Variants in KCNH1 observed in about 807,000 individuals in gnomAD.
KCNH1 encodes the protein potassium voltage-gated channel subfamily H member 1, also known as voltage-gated delayed rectifier potassium channel KCNH1.
KCNH1 carries 27 observed loss-of-function variants against 69.2 expected under a neutral mutation model. That is an observed-to-expected ratio of 0.39 (90% confidence interval 0.29 to 0.54). KCNH1 has a LOEUF of 0.54. Ranked by LOEUF, KCNH1 falls within the 20% of genes least tolerant of loss-of-function variation. The probability of loss-of-function intolerance (pLI) is 0.68; values close to 1 mark genes in which losing one functional copy is unlikely to be tolerated. For missense variants in KCNH1, 798 were observed against 1,261.6 expected (o/e 0.63, Z 5.57); for synonymous variants, 456 against 487.7 (o/e 0.93, Z 0.86).
rs953552242 is a variant in KCNH1 at position 210,814,371 on chromosome 1, GTAATAA to G, written c.1463-10211_1463-10206del. On this transcript the variant is annotated intron_variant, in intron 7 of 10. Coordinates refer to ENST00000271751, the MANE Select transcript of KCNH1 (RefSeq NM_172362.3). Reference sequence around the variant, plus strand: ...CTTGCACATAATACATGCTCAATAAGTAATAATAATAATTAACAGCAGGATAATTAA... The same window carrying G: ...CTTGCACATAATACATGCTCAATAAGTAATAATTAACAGCAGGATAATTAA... Among the ~76,000 whole-genome samples, 9 of 152,016 alleles carry G rather than the reference GTAATAA, an allele frequency of 5.9e-5. No individual in the cohort carries two copies. The South Asian group carries it at 8.3e-4, about 14-fold the overall frequency.
chr1:210,947,364 T>C (rs1687977158), intron 6 of KCNH1, among the ~76,000 whole-genome samples: 1 of 151,574 alleles, frequency 6.6e-6, no homozygotes, highest in Non-Finnish European at 1.5e-5. Context: ...GGTCAGGAGA[T>C]CGAGACCATC....
chr1:211,010,156 C>T (rs1409943206), intron 6 of KCNH1, among the ~76,000 whole-genome samples: 4 of 152,036 alleles, frequency 2.6e-5, no homozygotes, highest in Admixed American at 2.6e-4. Flanking sequence ...CTAGCGGACG[C>T]AGAAAATAGA....
At chr1:210,994,562 C>A (rs1478749146) in intron 6 of KCNH1, among the ~76,000 whole-genome samples, 2 of 152,178 alleles carry the variant, frequency 1.3e-5, no homozygotes, top group African/African-American at 2.4e-5. Context: ...CTTCTAAGTT[C>A]TTGCTAGAGA....
intron 10 of KCNH1, among the ~76,000 whole-genome samples, chr1:210,708,487 T>A (rs115320227): frequency 6.6e-6 from 1 of 152,226 alleles, no homozygotes; most frequent in African/African-American, 2.4e-5. Flanking sequence ...ATCTTATATT[T>A]ACATAGAGTC....
intron 7 of KCNH1, among the ~76,000 whole-genome samples, chr1:210,902,034 G>T (rs1468040364): frequency 1.3e-5 from 2 of 152,122 alleles, no homozygotes; most frequent in African/African-American, 4.8e-5. Flanking sequence ...GGCTACATGT[G>T]GGCAGCTCAG....
At chr1:210,934,381 G>A (rs764117691) in intron 6 of KCNH1, among the ~76,000 whole-genome samples, 9 of 152,200 alleles carry the variant, frequency 5.9e-5, no homozygotes, top group East Asian at 5.8e-4. Flanking sequence ...TGGGCTGGGC[G>A]CGGTGGCTCA....
At chr1:210,907,772 TGTG>T (rs1687136930) in intron 7 of KCNH1, among the ~76,000 whole-genome samples, 2 of 152,214 alleles carry the variant, frequency 1.3e-5, no homozygotes, top group African/African-American at 4.8e-5. Flanking sequence ...TGAGAAATGA[TGTG>T]GTATGTGTCA....
rs368339968 is a variant in KCNH1, at chr1:210,775,557, G to T, written c.1916-13C>A. 7 of 1,608,752 alleles carry T rather than the reference G, an allele frequency of 4.4e-6. No homozygotes were observed. The South Asian group carries it at 6.6e-5, about 15-fold the overall frequency. ...ACGTCTCCTTTTCCTAAGGAGAGAA[G>T]GTTGTCATGAGGAAAGTGTTGGCCA... On this transcript the variant is annotated splice_polypyrimidine_tract_variant and intron_variant, in intron 9 of 10. Coordinates refer to ENST00000271751, the MANE Select transcript of KCNH1 (RefSeq NM_172362.3).
intron 6 of KCNH1, among the ~76,000 whole-genome samples, chr1:210,986,217 TG>T (rs1326824338): frequency 6.6e-6 from 1 of 152,220 alleles, no homozygotes; most frequent in African/African-American, 2.4e-5. Context: ...AGCACACTGA[TG>T]GGTCTTGCCT....
At chr1:211,070,870 G>A (rs979064966) in intron 5 of KCNH1, among the ~76,000 whole-genome samples, 14 of 151,298 alleles carry the variant, frequency 9.3e-5, no homozygotes, top group Non-Finnish European at 1.9e-4. Flanking sequence ...TAAAAAGAAG[G>A]AAAGATAAGA....
At chr1:210,917,086 T>G (rs1687348283) in intron 7 of KCNH1, among the ~76,000 whole-genome samples, 1 of 151,604 alleles carries the variant, frequency 6.6e-6, no homozygotes, top group Admixed American at 6.6e-5. Flanking sequence ...AAGCAGAGGT[T>G]GCAGTGAGCC....
chr1:210,999,593 G>A (rs1185005640), intron 6 of KCNH1, among the ~76,000 whole-genome samples: 1 of 152,210 alleles, frequency 6.6e-6, no homozygotes, highest in Non-Finnish European at 1.5e-5. Context: ...GTACAAGGAG[G>A]AGCTGGTACC....
At chr1:211,080,430 G>T (rs1323543676) in intron 5 of KCNH1, among the ~76,000 whole-genome samples, 1 of 152,218 alleles carries the variant, frequency 6.6e-6, no homozygotes, top group East Asian at 1.9e-4. Context: ...TCCCCATCAA[G>T]CTACCAATGA....
intron 9 of KCNH1, among the ~76,000 whole-genome samples, chr1:210,780,347 T>C (rs1268838514): frequency 6.6e-6 from 1 of 152,214 alleles, no homozygotes; most frequent in Non-Finnish European, 1.5e-5. Flanking sequence ...CACAGTGTTA[T>C]AATGTACTCC....
intron 10 of KCNH1, among the ~76,000 whole-genome samples, chr1:210,766,703 C>T (rs1683641353): frequency 6.6e-6 from 1 of 152,168 alleles, no homozygotes. Context: ...AGGGTAAAGA[C>T]CATTAAGTGA....
At chr1:210,795,674 C>G (rs1684297288) in intron 9 of KCNH1, among the ~76,000 whole-genome samples, 1 of 152,046 alleles carries the variant, frequency 6.6e-6, no homozygotes, top group African/African-American at 2.4e-5. Context: ...ATAATACTAT[C>G]TATGTCTCTA....
intron 7 of KCNH1, among the ~76,000 whole-genome samples, chr1:210,804,676 C>T (rs1684498023): frequency 6.6e-6 from 1 of 152,176 alleles, no homozygotes; most frequent in Non-Finnish European, 1.5e-5. Flanking sequence ...AATAAACAGT[C>T]AGACCTGGTC....
intron 7 of KCNH1, among the ~76,000 whole-genome samples, chr1:210,903,359 G>T (rs1164492034): frequency 6.6e-6 from 1 of 152,104 alleles, no homozygotes; most frequent in Admixed American, 6.5e-5. Context: ...TAAATGAATG[G>T]ATAAAATATA....
chr1:210,944,600 A>G (rs1687925640), intron 6 of KCNH1, among the ~76,000 whole-genome samples: 1 of 152,228 alleles, frequency 6.6e-6, no homozygotes, highest in African/African-American at 2.4e-5. Context: ...AGGAACCAGA[A>G]GTGCAGGGAA....
Sources: gnomAD v4.1 joint callset for allele counts (sites outside exome capture counted in the v4.1 genomes callset) on GRCh38, gnomAD v4.1.1 for gene constraint, MANE v1.5 for transcripts, NCBI Gene and HGNC (gene_info 2026-07-23, HGNC 2026-07-21) for gene names.